The following TEX14 variants were observed in gnomAD, a reference collection of about 807,000 sequenced individuals.
TEX14 encodes inactive serine/threonine-protein kinase TEX14.
Under a neutral mutation model 178.6 loss-of-function variants are expected in TEX14, and 168 were observed. That is an observed-to-expected ratio of 0.94 (90% CI 0.83 to 1.07). The LOEUF (loss-of-function observed/expected upper bound fraction) is 1.07. Ranked by LOEUF, TEX14 falls within the 50% of genes least tolerant of loss-of-function variation. The pLI, the probability that TEX14 is intolerant of heterozygous loss-of-function variation, is 0.00. For missense variants in TEX14, 1,730 were observed against 1,753.6 expected, an observed-to-expected ratio of 0.99 and a Z score of 0.24; for synonymous variants, 626 against 634.1, an observed-to-expected ratio of 0.99 and a Z score of 0.19.
At chr17:58,560,184 A>T (rs9902820) in intron 29 of TEX14, among the ~76,000 whole-genome samples, 1 of 152,026 alleles carries the variant, frequency 6.6e-6, no homozygotes, top group Non-Finnish European at 1.5e-5. Flanking sequence ...GGACATTGTC[A>T]GTGCTCGGTG....
intron 13 of TEX14, among the ~76,000 whole-genome samples, 161 bp downstream of exon 13, chr17:58,601,645 G>C (rs189674438): frequency 6.0e-4 from 92 of 152,324 alleles, no homozygotes; most frequent in African/African-American, 1.7e-3. Flanking sequence ...AGTGAGCTGA[G>C]AGCATGCCAC....
chr17:58,656,286 A>C (rs1389382907), intron 1 of TEX14, among the ~76,000 whole-genome samples: 2 of 152,096 alleles, frequency 1.3e-5, no homozygotes, highest in Non-Finnish European at 2.9e-5. Flanking sequence ...CTGTACTAAA[A>C]ATACAAAAAT....
intron 1 of TEX14, among the ~76,000 whole-genome samples, 151 bp downstream of exon 1, chr17:58,691,788 C>T (rs1449716317): frequency 1.3e-5 from 2 of 151,996 alleles, no homozygotes; most frequent in Admixed American, 1.3e-4. Context: ...TGCCTTCCTC[C>T]CCGAAGTTCT....
At chr17:58,594,763 A>G (rs2045240198) in intron 14 of TEX14, among the ~76,000 whole-genome samples, 1 of 152,240 alleles carries the variant, frequency 6.6e-6, no homozygotes, top group African/African-American at 2.4e-5. Flanking sequence ...AGAATACAAT[A>G]AAGGTTACAA....
At chr17:58,631,652 T>A (rs151241519) in intron 2 of TEX14, 12 of 148,198 alleles carry the variant, frequency 8.1e-5, no homozygotes, top group East Asian at 1.9e-4. Flanking sequence ...CTACTCAGAC[T>A]GCCTTCTCTA....
chr17:58,570,183 T>A (rs1411134628), intron 25 of TEX14, among the ~76,000 whole-genome samples: 1 of 151,936 alleles, frequency 6.6e-6, no homozygotes, highest in East Asian at 1.9e-4. Context: ...AAAAAGTACA[T>A]GAGGTTAAAA....
intron 7 of TEX14, 42 bp downstream of exon 7, chr17:58,616,133 C>G: frequency 6.3e-7 from 1 of 1,585,526 alleles, no homozygotes; most frequent in Non-Finnish European, 8.6e-7. Flanking sequence ...CACTCTTCCC[C>G]TGAAACTGAA....
chr17:58,639,174 T>C (rs998823539), intron 2 of TEX14, among the ~76,000 whole-genome samples: 1 of 151,502 alleles, frequency 6.6e-6, no homozygotes, highest in African/African-American at 2.4e-5. Context: ...AAGACTATTA[T>C]TCTAATTGAA....
chr17:58,683,052 CAAAA>C (rs1194798521), intron 1 of TEX14, among the ~76,000 whole-genome samples: 3 of 54,038 alleles, frequency 5.6e-5, no homozygotes, highest in Middle Eastern at 0.018. Flanking sequence ...GAGTCTGTCT[CAAAA>C]AAAAAAAAAA....
At chr17:58,596,250 A>C (rs2045278348) in intron 14 of TEX14, among the ~76,000 whole-genome samples, 1 of 152,148 alleles carries the variant, frequency 6.6e-6, no homozygotes, top group African/African-American at 2.4e-5. Context: ...CTATGGAAAC[A>C]GAAATATTAG....
intron 30 of TEX14, 111 bp from the exon 31 acceptor site, chr17:58,557,961 C>T (rs1180327189): frequency 1.4e-6 from 1 of 736,202 alleles, no homozygotes; most frequent in Non-Finnish European, 2.3e-6. Flanking sequence ...GTTTTACCTA[C>T]AATGGTTGTT....
rs947577546 is a variant in TEX14, at chr17:58,573,107, G to A, written c.3511+74C>T. On this transcript the variant is annotated intron_variant, in intron 23 of 31. Transcript: ENST00000349033. ...ACACAGCCACCAGCTCTGATACCAC[G>A]GCTTGGCTTCCCAGAGACAATGGGC... 43 of 1,574,546 alleles carry A rather than the reference G, an allele frequency of 2.7e-5. No homozygotes were observed. The East Asian group carries it at 4.5e-4, about 17-fold the overall frequency.
At chr17:58,570,189 T>G (rs527865204) in intron 25 of TEX14, among the ~76,000 whole-genome samples, 196 bp downstream of exon 25, 1 of 152,090 alleles carries the variant, frequency 6.6e-6, no homozygotes, top group African/African-American at 2.4e-5. Context: ...TACATGAGGT[T>G]AAAAAAGTGT....
chr17:58,612,544 G>A (rs1432319298), intron 9 of TEX14, among the ~76,000 whole-genome samples: 1 of 151,912 alleles, frequency 6.6e-6, no homozygotes, highest in African/African-American at 2.4e-5. Context: ...AGATGATCCT[G>A]GCCAACATGG....
In TEX14 at chr17:58,615,272, G is replaced by A. The variant is rs201609023; in HGVS notation, c.841C>T (p.Arg281Trp). 3.1e-4 allele frequency: 505 copies of A among 1,613,464 alleles called. 2 individuals carry two copies. The highest frequency in any genetic ancestry group is 3.4e-4 in the Non-Finnish European group (397 of 1,179,542). ...TCGGCAATTAACAAGTCGGCCAGCCGCAGCCTGCTGCAGTGTGGGTGGGTG... is the reference window on the plus strand; with the variant it reads ...TCGGCAATTAACAAGTCGGCCAGCCACAGCCTGCTGCAGTGTGGGTGGGTG... ...LPTHPHCSRL[R>W]LADLLIAEQE... is the part of the protein sequence containing the mutation. The change falls in exon 8 of 32, where the codon CGG (arginine) becomes TGG (tryptophan). Residue 281 changes from arginine (R) to tryptophan (W), a missense_variant. Transcript: ENST00000349033.
Position 58,597,401 on chromosome 17 carries a change from A to G in TEX14, c.2469+1475T>C, listed in dbSNP as rs994488881. Among the ~76,000 whole-genome samples, 3 of 152,280 alleles carry G rather than the reference A, an allele frequency of 2.0e-5. No homozygotes were observed. In the East Asian group the frequency reaches 5.8e-4, roughly 29 times the overall value. On this transcript the variant is annotated intron_variant, in intron 14 of 31. Transcript: ENST00000349033. ...GCAACAGAGTGAGACCCTATCTCAAAATAAATAAAATAAAATAAAAAATAA... is the reference window on the plus strand; with the variant it reads ...GCAACAGAGTGAGACCCTATCTCAAGATAAATAAAATAAAATAAAAAATAA...
Position 58,680,742 on chromosome 17 carries a change from A to T in TEX14, c.-2+11197T>A, listed in dbSNP as rs147795169. Among the ~76,000 whole-genome samples the T allele has an allele frequency of 1.0e-3, 159 of 152,054 alleles. 1 individual carries two copies. The highest frequency in any genetic ancestry group is 3.6e-3 in the African/African-American group (151 of 41,512). ...CAGAGCAAGACTCTGTCTCAAAAAA[A>T]CCCCACAAAAACCAAAAAAACAAAT... On this transcript the variant is annotated intron_variant, in intron 1 of 31. Coordinates refer to ENST00000349033, the MANE Select transcript of TEX14 (RefSeq NM_031272.5).
At chr17:58,572,163 T>C (rs1567713182) in intron 23 of TEX14, 37 bp from the exon 24 acceptor site, 1 of 1,451,194 alleles carries the variant, frequency 6.9e-7, no homozygotes. Context: ...GTCTGAATCC[T>C]TTATATTATT....
chr17:58,624,099 C>T (rs561485524), intron 3 of TEX14, among the ~76,000 whole-genome samples: 10 of 152,104 alleles, frequency 6.6e-5, no homozygotes, highest in South Asian at 4.2e-4. Flanking sequence ...CTGGCTAACG[C>T]GGTGAAACCC....
Sources: gnomAD v4.1 joint callset for allele counts (sites outside exome capture counted in the v4.1 genomes callset) on GRCh38, gnomAD v4.1.1 for gene constraint, MANE v1.5 for transcripts, NCBI Gene and HGNC (gene_info 2026-07-23, HGNC 2026-07-21) for gene names.